Variants in FMR1 observed in about 807,000 individuals in gnomAD.
FMR1 encodes FMRP translational regulator 1.
Under a neutral mutation model 50.6 loss-of-function variants are expected in FMR1, and 13 were observed. That is an observed-to-expected ratio of 0.26 (90% CI 0.17 to 0.41). The LOEUF (loss-of-function observed/expected upper bound fraction) is 0.41. Ranked by LOEUF, FMR1 falls within the 10% of genes least tolerant of loss-of-function variation. The probability of loss-of-function intolerance (pLI) is 1.00; values close to 1 mark genes in which losing one functional copy is unlikely to be tolerated. For missense variants in FMR1, 316 were observed against 491.3 expected (o/e 0.64, Z 3.37); for synonymous variants, 138 against 164.1 (o/e 0.84, Z 1.22).
intron 1 of FMR1, among the ~76,000 whole-genome samples, chrX:147,916,386 GTCTC>G (rs1433362246): frequency 1.8e-5 from 2 of 111,437 alleles, no homozygotes; most frequent in Non-Finnish European, 3.8e-5. Flanking sequence ...GAGGTTTATT[GTCTC>G]TCTTTATTCT....
At chrX:147,932,072 C>T (rs1001930189) in intron 7 of FMR1, among the ~76,000 whole-genome samples, 1 of 110,984 alleles carries the variant, frequency 9.0e-6, no homozygotes, top group Admixed American at 9.6e-5. Context: ...TTTGTCAGAC[C>T]GAGTGAGCTG....
At position 147,932,869 on chromosome X, in the gene FMR1, A is replaced by C. The variant is rs2043651589; in HGVS notation, c.880+106A>C. 2.4e-4 allele frequency: 125 copies of C among 531,903 alleles called. 1 individual carries two copies. In the South Asian group the frequency reaches 3.4e-3, roughly 15 times the overall value. 43.8% of individuals were successfully genotyped at this position (531,903 alleles called of 1,213,427 possible). The stretch of plus-strand genomic sequence containing the variant: ...TTTTTCTTACTGGAGGGTATCATTT[A>C]ATTGAAACATAGTCTTTGAAATATG... On this transcript the variant is annotated intron_variant, in intron 9 of 16. Transcript: ENST00000370475.
chrX:147,940,953 A>G (rs1237424751), intron 13 of FMR1, among the ~76,000 whole-genome samples: 1 of 111,815 alleles, frequency 8.9e-6, no homozygotes, highest in Non-Finnish European at 1.9e-5. Flanking sequence ...CTGTTAATCC[A>G]TTTGATCCTT....
intron 1 of FMR1, chrX:147,914,559 G>A (rs1157113615): frequency 8.9e-6 from 1 of 111,928 alleles, no homozygotes; most frequent in East Asian, 2.8e-4. Context: ...TGAGTATAAT[G>A]GAATTCAGAC....
intron 15 of FMR1, 121 bp downstream of exon 15, chrX:147,945,172 TA>T (rs2044132810): frequency 9.5e-7 from 1 of 1,049,026 alleles, no homozygotes; most frequent in African/African-American, 1.8e-5. Context: ...TTTGTGCTGA[TA>T]CCATAGGAAA....
At chrX:147,946,044 T>C (rs1278870935) in intron 16 of FMR1, among the ~76,000 whole-genome samples, 1 of 111,253 alleles carries the variant, frequency 9.0e-6, no homozygotes, top group African/African-American at 3.3e-5. Context: ...GCCCAGCTAA[T>C]TTTTGTATTT....
chrX:147,928,360 G>T lies in FMR1; in HGVS notation c.237G>T (p.Trp79Cys). 8.3e-7 allele frequency: 1 copy of T among 1,208,575 alleles called. No homozygotes were observed. The highest frequency in any genetic ancestry group is 1.1e-6 in the Non-Finnish European group (1 of 892,678). Reference sequence around the variant, plus strand: ...CAAATGAAAAAGAGCCTTGCTGTTGGTGGTTAGCTAAAGTGAGGATGATAA... The same window carrying T: ...CAAATGAAAAAGAGCCTTGCTGTTGTTGGTTAGCTAAAGTGAGGATGATAA... ...SRANEKEPCC[W>C]WLAKVRMIKG... The change falls in exon 4 of 17, where the codon TGG becomes TGT. Residue 79 changes from tryptophan to cysteine, a missense_variant. Physicochemically the swap from Trp to Cys is radical, Grantham distance 215. Transcript: ENST00000370475.
intron 12 of FMR1, among the ~76,000 whole-genome samples, chrX:147,938,755 G>A (rs1557180124): frequency 8.9e-6 from 1 of 111,962 alleles, no homozygotes; most frequent in Non-Finnish European, 1.9e-5. Flanking sequence ...TGGATTAAAA[G>A]CAAAGGTGCC....
At chrX:147,932,375 TG>T (rs781980271) in intron 7 of FMR1, 49 bp from the exon 8 acceptor site, 1 of 1,126,839 alleles carries the variant, frequency 8.9e-7, no homozygotes, top group South Asian at 1.8e-5. Flanking sequence ...TAAATACAGT[TG>T]TCGTAATAGT....
chrX:147,948,712 T>C lies in FMR1; in HGVS notation c.1767T>C (p.Ser589=). ...GAGTTGACTGCAATAATGAAAGGAG[T>C]GTCCACACTAAAACATTACAGAATA... The part of the protein sequence containing the change: ...QIRVDCNNER[S]VHTKTLQNTS... Residue 589 remains serine (S), a synonymous_variant, in exon 17 of 17, where the codon AGT becomes AGC. Coordinates refer to ENST00000370475, the MANE Select transcript of FMR1 (RefSeq NM_002024.6). The C allele has an allele frequency of 8.3e-7, 1 of 1,211,162 alleles. No individual in the cohort carries two copies.
intron 1 of FMR1, 106 bp from the exon 2 acceptor site, chrX:147,921,827 A>T: frequency 1.9e-6 from 1 of 527,734 alleles, no homozygotes; most frequent in Non-Finnish European, 3.3e-6. Flanking sequence ...TTGAAGTTCT[A>T]TTTTATTCAT....
intron 9 of FMR1, among the ~76,000 whole-genome samples, chrX:147,935,193 G>A (rs782222368): frequency 6.0e-4 from 67 of 111,516 alleles, no homozygotes; most frequent in Admixed American, 1.6e-3. Flanking sequence ...TCCCCTTTTC[G>A]TTATAGAAGA....
Position 147,932,379 on chromosome X carries a change from G to GT in FMR1, c.631-45dup, listed in dbSNP as rs782260387. On this transcript the variant is annotated intron_variant, in intron 7 of 16. Coordinates refer to ENST00000370475, the MANE Select transcript of FMR1 (RefSeq NM_002024.6). ...CATGGCTGGCCTAAATACAGTTGTCGTAATAGTTGATAAAGTGTATTCATC... is the reference window on the plus strand; with the variant it reads ...CATGGCTGGCCTAAATACAGTTGTCGTTAATAGTTGATAAAGTGTATTCATC... 5 of 1,148,148 alleles carry GT rather than the reference G, an allele frequency of 4.4e-6. No individual in the cohort carries two copies. In the East Asian group the frequency reaches 9.0e-5, roughly 21 times the overall value. The allele number at this position is 1,148,148 out of a possible 1,213,427, so 94.6% of individuals were successfully genotyped here. A position where few individuals can be genotyped will look rare whatever the true frequency, so the allele number is the denominator to read the frequency against.
rs1450827545 is a variant in FMR1, at chrX:147,949,901, AGTACAG to A, written c.*1062_*1067del. The A allele has an allele frequency of 6.1e-6, 2 of 325,846 alleles. No individual in the cohort carries two copies. Among genetic ancestry groups the A allele is most frequent in the Non-Finnish European group, 1.2e-5 (2 of 169,205 alleles). The allele number at this position is 325,846 out of a possible 1,213,427, so 26.9% of individuals were successfully genotyped here. A position where few individuals can be genotyped will look rare whatever the true frequency, so the allele number is the denominator to read the frequency against. On this transcript the variant is annotated 3_prime_UTR_variant, in exon 17 of 17. Coordinates refer to ENST00000370475, the MANE Select transcript of FMR1 (RefSeq NM_002024.6). The stretch of plus-strand genomic sequence containing the variant: ...CCATGTATGCATAATAATCCTGCAA[AGTACAG>A]GTACTTTGTCTAAGAAACATTGGAA...
intron 12 of FMR1, 40 bp downstream of exon 12, chrX:147,938,201 A>G (rs1557180038): frequency 3.0e-6 from 3 of 1,003,801 alleles, no homozygotes; most frequent in Middle Eastern, 2.5e-4. Flanking sequence ...TTCAGTTTAT[A>G]TTTTAATGTT....
At chrX:147,926,797 A>G (rs1215534557) in intron 3 of FMR1, among the ~76,000 whole-genome samples, 5 of 111,632 alleles carry the variant, frequency 4.5e-5, no homozygotes, top group Non-Finnish European at 9.4e-5. Context: ...TGGTCCTTGA[A>G]TTCTTATTTG....
intron 9 of FMR1, among the ~76,000 whole-genome samples, chrX:147,934,602 G>A (rs1318857891): frequency 9.0e-6 from 1 of 111,680 alleles, no homozygotes; most frequent in African/African-American, 3.3e-5. Context: ...TGGATTATTT[G>A]CTATTAAATA....
chrX:147,912,108 C>CGGCTG lies in FMR1; in HGVS notation c.-68_-64dup. On this transcript the variant is annotated 5_prime_UTR_variant, in exon 1 of 17. Coordinates refer to ENST00000370475, the MANE Select transcript of FMR1 (RefSeq NM_002024.6). The stretch of plus-strand genomic sequence containing the variant: ...GCGGCGGCGGCGGCGGCGGCGGCGG[C>CGGCTG]GGCTGGGCCTCGAGCGCCCGCAGCC... The CGGCTG allele has an allele frequency of 1.4e-6, 1 of 739,292 alleles. No individual in the cohort carries two copies. The highest frequency in any genetic ancestry group is 1.7e-6 in the Non-Finnish European group (1 of 595,838). The allele number at this position is 739,292 out of a possible 1,213,427, so 60.9% of individuals were successfully genotyped here.
At chrX:147,933,740 A>G (rs1244954410) in intron 9 of FMR1, 3 of 521,236 alleles carry the variant, frequency 5.8e-6, no homozygotes, top group African/African-American at 2.5e-5. Flanking sequence ...ATATAAAGTA[A>G]TACATGTTCT....
Sources: gnomAD v4.1 joint callset for allele counts (sites outside exome capture counted in the v4.1 genomes callset) on GRCh38, gnomAD v4.1.1 for gene constraint, MANE v1.5 for transcripts, NCBI Gene and HGNC (gene_info 2026-07-23, HGNC 2026-07-21) for gene names.